Variants in FRMD5 observed in about 807,000 individuals in gnomAD.
FRMD5 encodes FERM domain-containing protein 5.
Under a neutral mutation model 69.0 loss-of-function variants are expected in FRMD5, and 20 were observed. The ratio of observed to expected loss-of-function variants is 0.29; its 90% CI spans 0.20 to 0.42. The LOEUF is 0.42. Among genes scored for constraint, FRMD5 ranks in the 10% least tolerant of loss-of-function variants. The probability of loss-of-function intolerance (pLI) is 1.00; values close to 1 mark genes in which losing one functional copy is unlikely to be tolerated. For missense variants in FRMD5, 595 were observed against 708.6 expected, an observed-to-expected ratio of 0.84 and a Z score of 1.82; for synonymous variants, 271 against 260.1, an observed-to-expected ratio of 1.04 and a Z score of -0.40.
intron 1 of FRMD5, among the ~76,000 whole-genome samples, chr15:44,027,748 G>A (rs1484223084): frequency 2.7e-5 from 4 of 150,282 alleles, no homozygotes; most frequent in Non-Finnish European, 5.9e-5. Context: ...CCTCCTGAGC[G>A]ATTCTCTTGC....
At chr15:43,907,939 C>T (rs1464699115) in intron 5 of FRMD5, among the ~76,000 whole-genome samples, 4 of 152,092 alleles carry the variant, frequency 2.6e-5, no homozygotes, top group Non-Finnish European at 5.9e-5. Flanking sequence ...CTGTGCCTGG[C>T]CCAGAGTCAT....
chr15:44,056,343 A>T (rs1452793132), intron 1 of FRMD5, among the ~76,000 whole-genome samples: 2 of 152,244 alleles, frequency 1.3e-5, no homozygotes, highest in African/African-American at 4.8e-5. Context: ...GGGCAAATAC[A>T]GTGAAAATAA....
intron 1 of FRMD5, among the ~76,000 whole-genome samples, chr15:43,960,754 A>T (rs1038860136): frequency 1.3e-5 from 2 of 152,264 alleles, no homozygotes; most frequent in African/African-American, 2.4e-5. Context: ...TCTGTTTCGC[A>T]ATCAGTAAAA....
intron 1 of FRMD5, among the ~76,000 whole-genome samples, chr15:44,036,106 T>C (rs1435119088): frequency 1.3e-5 from 2 of 152,098 alleles, no homozygotes; most frequent in Non-Finnish European, 2.9e-5. Flanking sequence ...GCATTGCCCA[T>C]AATATGTACT....
At position 44,195,250 on chromosome 15, in the gene FRMD5, C is replaced by G. The variant is rs1300197121; in HGVS notation, c.-196G>C. 1.9e-6 allele frequency: 1 copy of G among 534,890 alleles called. No homozygotes were observed. Among genetic ancestry groups the G allele is most frequent in the African/African-American group, 2.0e-5 (1 of 48,880 alleles). The allele number at this position is 534,890 out of a possible 1,614,324, so 33.1% of individuals were successfully genotyped here. A position where few individuals can be genotyped will look rare whatever the true frequency, so the allele number is the denominator to read the frequency against. On this transcript the variant is annotated 5_prime_UTR_variant, in exon 1 of 14. Coordinates refer to ENST00000417257, the MANE Select transcript of FRMD5 (RefSeq NM_032892.5). The stretch of plus-strand genomic sequence containing the variant: ...CTCAGCCGCCACCGCCTCCCCCCAG[C>G]CCAGATCAAGCGCCGGGCTCTGTCT...
chr15:44,090,121 A>T (rs1430118701), intron 1 of FRMD5, among the ~76,000 whole-genome samples: 1 of 152,116 alleles, frequency 6.6e-6, no homozygotes, highest in Non-Finnish European at 1.5e-5. Flanking sequence ...TCTATCCTGA[A>T]GTTGAGGCCA....
chr15:43,885,874 A>G, intron 10 of FRMD5, 119 bp from the exon 11 acceptor site: 1 of 772,308 alleles, frequency 1.3e-6, no homozygotes, highest in Non-Finnish European at 2.3e-6. Flanking sequence ...AGCCCTTCAT[A>G]GTCCACATTT....
intron 1 of FRMD5, among the ~76,000 whole-genome samples, chr15:44,072,767 C>A (rs923488294): frequency 7.2e-5 from 11 of 152,002 alleles, no homozygotes; most frequent in African/African-American, 2.4e-4. Context: ...AAAATTGTCC[C>A]AAATTTGCGC....
At chr15:44,099,916 C>G (rs1215638606) in intron 1 of FRMD5, among the ~76,000 whole-genome samples, 3 of 152,100 alleles carry the variant, frequency 2.0e-5, no homozygotes. Flanking sequence ...GCAATTTTTG[C>G]TAGCTTTCCT....
chr15:43,980,388 T>C (rs2090530008), intron 1 of FRMD5, among the ~76,000 whole-genome samples: 1 of 152,190 alleles, frequency 6.6e-6, no homozygotes, highest in African/African-American at 2.4e-5. Flanking sequence ...CTAGGGAAAA[T>C]AACTCAGCAT....
chr15:44,145,930 G>A (rs1317413409), intron 1 of FRMD5, among the ~76,000 whole-genome samples: 1 of 152,166 alleles, frequency 6.6e-6, no homozygotes, highest in Non-Finnish European at 1.5e-5. Flanking sequence ...ACTTAAACTT[G>A]TATGCTGTAT....
chr15:44,047,078 G>T (rs142455504), intron 1 of FRMD5, among the ~76,000 whole-genome samples: 19 of 152,276 alleles, frequency 1.2e-4, no homozygotes, highest in African/African-American at 1.7e-4. Context: ...AGGCTGAGGC[G>T]GGCGGATCAC....
intron 5 of FRMD5, among the ~76,000 whole-genome samples, 167 bp downstream of exon 5, chr15:43,909,715 G>A (rs2089250721): frequency 6.6e-6 from 1 of 152,038 alleles, no homozygotes; most frequent in Admixed American, 6.5e-5. Flanking sequence ...CCTAACCTCA[G>A]GTGATCTGCC....
At position 43,954,036 on chromosome 15, in the gene FRMD5, T is replaced by A. The variant is rs573297019; in HGVS notation, c.103-29727A>T. 6.6e-5 allele frequency among the ~76,000 whole-genome samples: 10 copies of A among 152,284 alleles called. No homozygotes were observed. In the South Asian group the frequency reaches 2.1e-3, roughly 32 times the overall value. On this transcript the variant is annotated intron_variant, in intron 1 of 13. Transcript: ENST00000417257. ...ATGAAAAAGTTCTGTGCTACCTGGG[T>A]AGAATGATCATTACAAGAGAAATCT...
intron 1 of FRMD5, among the ~76,000 whole-genome samples, chr15:44,085,060 G>A (rs532974061): frequency 1.3e-5 from 2 of 152,198 alleles, no homozygotes; most frequent in East Asian, 1.9e-4. Context: ...GTTCCCCTAC[G>A]TACAAACTTC....
chr15:44,139,133 G>C (rs2077229165), intron 1 of FRMD5, among the ~76,000 whole-genome samples: 1 of 152,068 alleles, frequency 6.6e-6, no homozygotes, highest in Non-Finnish European at 1.5e-5. Flanking sequence ...TTGTATCTCA[G>C]TAAAGCCATT....
At chr15:43,935,921 C>G (rs751092428) in intron 1 of FRMD5, among the ~76,000 whole-genome samples, 2 of 152,202 alleles carry the variant, frequency 1.3e-5, no homozygotes, top group Admixed American at 6.5e-5. Flanking sequence ...AGGGTCTAAT[C>G]TGAGCAAGGC....
At chr15:43,920,904 TC>T (rs2089482341) in intron 2 of FRMD5, among the ~76,000 whole-genome samples, 1 of 152,230 alleles carries the variant, frequency 6.6e-6, no homozygotes, top group Admixed American at 6.5e-5. Flanking sequence ...CATCCTGGCC[TC>T]CCTTGATTCC....
chr15:43,970,097 A>C (rs2090352816), intron 1 of FRMD5, among the ~76,000 whole-genome samples: 1 of 152,190 alleles, frequency 6.6e-6, no homozygotes, highest in African/African-American at 2.4e-5. Flanking sequence ...TTCTTCAACT[A>C]CTATATTGTA....
Sources: allele counts gnomAD v4.1 joint callset (sites outside exome capture counted in the v4.1 genomes callset), GRCh38; gene constraint gnomAD v4.1.1; transcripts MANE v1.5; gene names NCBI Gene and HGNC (gene_info 2026-07-23, HGNC 2026-07-21).